The following NTNG1 variants were observed in gnomAD, a reference collection of about 807,000 sequenced individuals.
NTNG1 encodes netrin G1.
A neutral mutation model predicts 54.0 loss-of-function variants in NTNG1; 16 were observed. The observed-to-expected ratio is 0.30, with a 90% CI of 0.20 to 0.45. The LOEUF is 0.45. Among genes scored for constraint, NTNG1 ranks in the 20% least tolerant of loss-of-function variants. The probability of loss-of-function intolerance (pLI) is 1.00; values close to 1 mark genes in which losing one functional copy is unlikely to be tolerated. For synonymous variants in NTNG1, 255 were observed against 263.1 expected, an observed-to-expected ratio of 0.97 and a Z score of 0.30; for missense variants, 530 against 678.7, an observed-to-expected ratio of 0.78 and a Z score of 2.43.
chr1:107,240,084 A>T (rs958085850), intron 2 of NTNG1, among the ~76,000 whole-genome samples: 1 of 152,182 alleles, frequency 6.6e-6, no homozygotes, highest in African/African-American at 2.4e-5. Context: ...TAATGTTTTG[A>T]TGTATGTGAG....
chr1:107,464,606 A>G (rs1677486129), intron 7 of NTNG1, among the ~76,000 whole-genome samples: 1 of 152,110 alleles, frequency 6.6e-6, no homozygotes, highest in Non-Finnish European at 1.5e-5. Flanking sequence ...ATAAAACCAA[A>G]TGAAGTGATC....
chr1:107,362,839 T>G lies in NTNG1; in HGVS notation c.888-32315T>G, dbSNP rs149705785. Among the ~76,000 whole-genome samples, 1,245 of 152,284 alleles carry G rather than the reference T, an allele frequency of 8.2e-3. 9 individuals carry two copies. The highest frequency in any genetic ancestry group is 0.025 in the South Asian group (120 of 4,828). ...GATTTCAAGACCTTTCAGATTTTTT[T>G]AAAAGTTTCCCTACCCTTCTTAACA... On this transcript the variant is annotated intron_variant, in intron 3 of 7. Transcript: ENST00000370068.
chr1:107,374,854 A>G (rs1019646859), intron 3 of NTNG1, among the ~76,000 whole-genome samples: 1 of 151,132 alleles, frequency 6.6e-6, no homozygotes, highest in Non-Finnish European at 1.5e-5. Context: ...TCTGTGATTT[A>G]TTAAGTTATT....
At chr1:107,197,207 A>G (rs1475147993) in intron 2 of NTNG1, among the ~76,000 whole-genome samples, 1 of 151,944 alleles carries the variant, frequency 6.6e-6, no homozygotes, top group Non-Finnish European at 1.5e-5. Context: ...GACACAGGAA[A>G]TGCGGTCTGA....
rs372591416 is a variant in NTNG1 at position 107,311,875 on chromosome 1, G to A, written c.247-12407G>A. On this transcript the variant is annotated intron_variant, in intron 2 of 7. Transcript: ENST00000370068. Reference sequence around the variant, plus strand: ...TACACACTCATAGGCTGATATGACCGACTTATGAGGTGTGAACACCACAAG... The same window carrying A: ...TACACACTCATAGGCTGATATGACCAACTTATGAGGTGTGAACACCACAAG... Among the ~76,000 whole-genome samples the A allele has an allele frequency of 1.4e-3, 209 of 152,244 alleles. 1 individual carries two copies. The highest frequency in any genetic ancestry group is 4.7e-3 in the African/African-American group (195 of 41,546).
intron 2 of NTNG1, among the ~76,000 whole-genome samples, chr1:107,286,330 T>G (rs72699358): frequency 0.07 from 10,729 of 152,212 alleles, 533 homozygotes; most frequent in Non-Finnish European, 0.1. Flanking sequence ...ACTCTATGCT[T>G]TGTAGCATGT....
At chr1:107,354,082 A>G (rs1459807595) in intron 3 of NTNG1, among the ~76,000 whole-genome samples, 1 of 152,094 alleles carries the variant, frequency 6.6e-6, no homozygotes, top group Non-Finnish European at 1.5e-5. Flanking sequence ...ACAGACCCAA[A>G]CCATGTCAAT....
At chr1:107,395,922 C>T (rs1455468073) in intron 4 of NTNG1, among the ~76,000 whole-genome samples, 11 of 152,160 alleles carry the variant, frequency 7.2e-5, no homozygotes, top group Admixed American at 5.9e-4. Context: ...GTGGGGACCA[C>T]ATTAAGAAAA....
At chr1:107,379,992 C>T (rs964749053) in intron 3 of NTNG1, among the ~76,000 whole-genome samples, 6 of 152,108 alleles carry the variant, frequency 3.9e-5, no homozygotes, top group Non-Finnish European at 8.8e-5. Flanking sequence ...AGAGTTGCTC[C>T]TGGGAAGTTA....
chr1:107,361,091 G>T (rs1334588305), intron 3 of NTNG1, among the ~76,000 whole-genome samples: 1 of 144,594 alleles, frequency 6.9e-6, no homozygotes, highest in African/African-American at 2.5e-5. Flanking sequence ...TTTGAAATGG[G>T]TTTGAAAAAA....
At chr1:107,382,354 A>G (rs1671702980) in intron 3 of NTNG1, among the ~76,000 whole-genome samples, 1 of 152,202 alleles carries the variant, frequency 6.6e-6, no homozygotes, top group Non-Finnish European at 1.5e-5. Flanking sequence ...TGAATCAGCT[A>G]GTTAGTGTCT....
chr1:107,295,364 A>T (rs75017082), intron 2 of NTNG1, among the ~76,000 whole-genome samples: 2,207 of 152,254 alleles, frequency 0.014, 26 homozygotes, highest in Non-Finnish European at 0.018. Context: ...TCTATGGTGG[A>T]TTAAATAAGC....
chr1:107,483,671 C>T lies in NTNG1; in HGVS notation c.*2831C>T, dbSNP rs891491839. On this transcript the variant is annotated 3_prime_UTR_variant, in exon 8 of 8. Transcript: ENST00000370068. ...CTCAGTTGTTCATATATTTGAGGTCCTAATTCTTGGTATTTTTTCCCTTTG... is the reference window on the plus strand; with the variant it reads ...CTCAGTTGTTCATATATTTGAGGTCTTAATTCTTGGTATTTTTTCCCTTTG... Among the ~76,000 whole-genome samples, 1 of 147,830 alleles carries T rather than the reference C, an allele frequency of 6.8e-6. No homozygotes were observed. The highest frequency in any genetic ancestry group is 1.5e-5 in the Non-Finnish European group (1 of 66,668).
intron 2 of NTNG1, among the ~76,000 whole-genome samples, chr1:107,265,426 TA>T (rs1173570318): frequency 6.6e-6 from 1 of 152,106 alleles, no homozygotes; most frequent in South Asian, 2.1e-4. Flanking sequence ...AGTCTGGAGG[TA>T]AGAGAACTTG....
At chr1:107,377,393 T>C (rs1257825986) in intron 3 of NTNG1, among the ~76,000 whole-genome samples, 1 of 152,164 alleles carries the variant, frequency 6.6e-6, no homozygotes, top group African/African-American at 2.4e-5. Context: ...ATTTCCTGCC[T>C]GAGGATAATT....
chr1:107,276,188 A>C (rs1664460967), intron 2 of NTNG1, among the ~76,000 whole-genome samples: 1 of 152,206 alleles, frequency 6.6e-6, no homozygotes, highest in Non-Finnish European at 1.5e-5. Context: ...TTCCTTACTA[A>C]GGAGACTCTA....
intron 7 of NTNG1, among the ~76,000 whole-genome samples, chr1:107,474,602 T>A (rs1051897749): frequency 6.6e-6 from 1 of 152,236 alleles, no homozygotes; most frequent in African/African-American, 2.4e-5. Context: ...GGGTAATTTA[T>A]AATGAATAGA....
At chr1:107,236,024 G>A (rs1661389418) in intron 2 of NTNG1, among the ~76,000 whole-genome samples, 1 of 152,034 alleles carries the variant, frequency 6.6e-6, no homozygotes, top group African/African-American at 2.4e-5. Flanking sequence ...AAGTCAAGAA[G>A]GAATACAACA....
chr1:107,316,297 G>A (rs1029186585), intron 2 of NTNG1, among the ~76,000 whole-genome samples: 1 of 152,172 alleles, frequency 6.6e-6, no homozygotes, highest in Non-Finnish European at 1.5e-5. Context: ...TGGCCATAGG[G>A]TGGAGTGAAG....
Sources: gnomAD v4.1 joint callset for allele counts (sites outside exome capture counted in the v4.1 genomes callset) on GRCh38, gnomAD v4.1.1 for gene constraint, MANE v1.5 for transcripts, NCBI Gene and HGNC (gene_info 2026-07-23, HGNC 2026-07-21) for gene names.